The following NTM variants were observed in gnomAD, a reference collection of about 807,000 sequenced individuals.
The protein encoded by NTM is IgLON family member 2.
Under a neutral mutation model 42.1 loss-of-function variants are expected in NTM, and 13 were observed. The observed-to-expected ratio is 0.31, with a 90% CI of 0.20 to 0.49. The LOEUF is 0.49. NTM is among the 20% of genes least tolerant of loss of function. NTM has a pLI of 0.99. For synonymous variants in NTM, 187 were observed against 179.2 expected, an observed-to-expected ratio of 1.04 and a Z score of -0.35; for missense variants, 373 against 452.8, an observed-to-expected ratio of 0.82 and a Z score of 1.60.
At chr11:131,901,458 TA>T (rs2053148318) in intron 1 of NTM, among the ~76,000 whole-genome samples, 2 of 152,246 alleles carry the variant, frequency 1.3e-5, no homozygotes, top group African/African-American at 4.8e-5. Context: ...TTTAATTACT[TA>T]AGGGAACCTA....
At chr11:131,901,805 G>C (rs1166042188) in intron 1 of NTM, among the ~76,000 whole-genome samples, 44 of 152,184 alleles carry the variant, frequency 2.9e-4, no homozygotes, top group Non-Finnish European at 1.5e-5. Flanking sequence ...TCCAAATTCT[G>C]CCTCCTCCAG....
chr11:131,917,683 C>T (rs979778630), intron 2 of NTM, among the ~76,000 whole-genome samples: 6 of 152,162 alleles, frequency 3.9e-5, no homozygotes, highest in Non-Finnish European at 5.9e-5. Context: ...TTTATGAGTT[C>T]ACCCGTTCAG....
intron 3 of NTM, among the ~76,000 whole-genome samples, chr11:132,150,743 T>C (rs1225556084): frequency 6.6e-6 from 1 of 151,760 alleles, no homozygotes; most frequent in South Asian, 2.1e-4. Context: ...GTAGGCAGAG[T>C]TCGAGGGTTG....
intron 2 of NTM, among the ~76,000 whole-genome samples, chr11:132,060,638 C>T (rs2080511303): frequency 6.6e-6 from 1 of 152,202 alleles, no homozygotes; most frequent in African/African-American, 2.4e-5. Context: ...GAAAATCAAA[C>T]ACAGACTTTG....
At chr11:132,079,141 C>G (rs1261027979) in intron 2 of NTM, among the ~76,000 whole-genome samples, 1 of 152,178 alleles carries the variant, frequency 6.6e-6, no homozygotes, top group Non-Finnish European at 1.5e-5. Context: ...TAGACATTCT[C>G]TAGCCCATCC....
chr11:131,850,084 T>C (rs2045361652), intron 1 of NTM, among the ~76,000 whole-genome samples: 1 of 152,108 alleles, frequency 6.6e-6, no homozygotes, highest in Non-Finnish European at 1.5e-5. Context: ...ATGCCCAGAA[T>C]TAGCTTTAAT....
intron 1 of NTM, among the ~76,000 whole-genome samples, chr11:131,785,083 T>G (rs2088899585): frequency 6.6e-6 from 1 of 152,148 alleles, no homozygotes; most frequent in Non-Finnish European, 1.5e-5. Context: ...CTTTTACTGA[T>G]GACATACTGG....
At chr11:132,132,744 G>A (rs547805433) in intron 2 of NTM, among the ~76,000 whole-genome samples, 1 of 152,114 alleles carries the variant, frequency 6.6e-6, no homozygotes, top group Admixed American at 6.5e-5. Flanking sequence ...GAAAGACTAC[G>A]GACTCAGGCT....
At chr11:132,268,855 G>T in intron 4 of NTM, among the ~76,000 whole-genome samples, 1 of 152,124 alleles carries the variant, frequency 6.6e-6, no homozygotes, top group East Asian at 1.9e-4. Flanking sequence ...GGAAAGGATG[G>T]TGAGTCTCAG....
chr11:131,585,458 G>C (rs2058771720), intron 1 of NTM, among the ~76,000 whole-genome samples: 1 of 152,146 alleles, frequency 6.6e-6, no homozygotes, highest in South Asian at 2.1e-4. Flanking sequence ...AAGGAGGGTA[G>C]AGGGGACCCC....
intron 3 of NTM, among the ~76,000 whole-genome samples, chr11:132,166,951 A>G (rs2075369670): frequency 6.6e-6 from 1 of 152,184 alleles, no homozygotes; most frequent in African/African-American, 2.4e-5. Flanking sequence ...AGGATAAACC[A>G]ATGGTCAAGC....
At chr11:132,035,180 A>G (rs1227117479) in intron 2 of NTM, among the ~76,000 whole-genome samples, 4 of 152,168 alleles carry the variant, frequency 2.6e-5, no homozygotes, top group Non-Finnish European at 5.9e-5. Context: ...TTAATCTATA[A>G]GAAGCTGTGT....
At chr11:132,326,687 G>A (rs923124000) in intron 7 of NTM, among the ~76,000 whole-genome samples, 2 of 152,290 alleles carry the variant, frequency 1.3e-5, no homozygotes, top group African/African-American at 2.4e-5. Flanking sequence ...TATGACAGTT[G>A]GATTAGTACA....
chr11:131,505,939 C>G (rs1306754744), intron 1 of NTM, among the ~76,000 whole-genome samples: 3 of 152,090 alleles, frequency 2.0e-5, no homozygotes, highest in Admixed American at 1.3e-4. Context: ...CCAGATGTAA[C>G]AGTGTGCCTC....
At chr11:131,920,251 G>A (rs1482779634) in intron 2 of NTM, among the ~76,000 whole-genome samples, 5 of 152,146 alleles carry the variant, frequency 3.3e-5, no homozygotes, top group African/African-American at 1.2e-4. Context: ...CATGTGTTGG[G>A]GAAGAGGTAG....
At chr11:132,290,719 T>C (rs748235291) in intron 4 of NTM, among the ~76,000 whole-genome samples, 10 of 152,334 alleles carry the variant, frequency 6.6e-5, no homozygotes, top group Non-Finnish European at 1.5e-5. Flanking sequence ...TCCATTTTAA[T>C]ATAATGTAAT....
intron 2 of NTM, among the ~76,000 whole-genome samples, chr11:132,059,736 C>A (rs2080323862): frequency 6.6e-6 from 1 of 150,490 alleles, no homozygotes. Flanking sequence ...CCCCACACCA[C>A]CCCCCATCAC....
intron 4 of NTM, among the ~76,000 whole-genome samples, chr11:132,282,976 C>CATTTTTTTT (rs2094043268): frequency 9.2e-6 from 1 of 109,012 alleles, no homozygotes; most frequent in South Asian, 3.2e-4. Context: ...TCCTTTATTC[C>CATTTTTTTT]TTTTTTTTTT....
At chr11:131,868,718 C>G (rs1409368196) in intron 1 of NTM, among the ~76,000 whole-genome samples, 1 of 152,170 alleles carries the variant, frequency 6.6e-6, no homozygotes, top group Non-Finnish European at 1.5e-5. Flanking sequence ...TATTTTATTT[C>G]CAAATGACTC....
Sources: gnomAD v4.1 joint callset for allele counts (sites outside exome capture counted in the v4.1 genomes callset) on GRCh38, gnomAD v4.1.1 for gene constraint, MANE v1.5 for transcripts, NCBI Gene and HGNC (gene_info 2026-07-23, HGNC 2026-07-21) for gene names.